The following SLC17A8 variants were observed in gnomAD, a reference collection of about 807,000 sequenced individuals.
The protein encoded by SLC17A8 is vesicular glutamate transporter 3.
SLC17A8 carries 31 observed loss-of-function variants against 58.0 expected under a neutral mutation model. That is an observed-to-expected ratio of 0.53 (90% CI 0.40 to 0.72). The LOEUF is 0.72. Ranked by LOEUF, SLC17A8 falls within the 30% of genes least tolerant of loss-of-function variation. The pLI is 0.00. For synonymous variants in SLC17A8, 228 were observed against 249.0 expected, an observed-to-expected ratio of 0.92 and a Z score of 0.79; for missense variants, 655 against 727.8, an observed-to-expected ratio of 0.90 and a Z score of 1.15.
intron 2 of SLC17A8, among the ~76,000 whole-genome samples, chr12:100,388,167 G>C (rs1341300319): frequency 1.3e-5 from 2 of 152,048 alleles, no homozygotes; most frequent in African/African-American, 4.8e-5. Context: ...CATATGACTT[G>C]CTCCCTTCCT....
chr12:100,399,747 T>A (rs1383888078), intron 5 of SLC17A8, among the ~76,000 whole-genome samples: 1 of 152,130 alleles, frequency 6.6e-6, no homozygotes, highest in East Asian at 1.9e-4. Context: ...GATTACAATT[T>A]GAGATGCAAT....
chr12:100,391,547 C>T (rs1342545002), intron 3 of SLC17A8, among the ~76,000 whole-genome samples: 1 of 152,190 alleles, frequency 6.6e-6, no homozygotes, highest in Admixed American at 6.5e-5. Flanking sequence ...TCAAGTGATC[C>T]ACCCGCCTTA....
At chr12:100,358,616 G>A (rs1039735134) in intron 1 of SLC17A8, among the ~76,000 whole-genome samples, 2 of 152,178 alleles carry the variant, frequency 1.3e-5, no homozygotes, top group African/African-American at 2.4e-5. Flanking sequence ...GAATTAGCAT[G>A]TCTAGATGAA....
intron 1 of SLC17A8, among the ~76,000 whole-genome samples, chr12:100,369,659 G>A (rs1952545639): frequency 6.6e-6 from 1 of 152,050 alleles, no homozygotes. Flanking sequence ...AGGAAAAGTA[G>A]GTGTTTTTTT....
intron 1 of SLC17A8, among the ~76,000 whole-genome samples, chr12:100,362,310 G>A (rs577897095): frequency 6.6e-6 from 1 of 152,328 alleles, no homozygotes; most frequent in South Asian, 2.1e-4. Context: ...CATCACGGGA[G>A]CAGGAAGAGA....
chr12:100,411,846 G>GTT (rs3057179), intron 9 of SLC17A8, among the ~76,000 whole-genome samples: 1 of 142,748 alleles, frequency 7.0e-6, no homozygotes, highest in Non-Finnish European at 1.5e-5. Flanking sequence ...TGTATTGTTT[G>GTT]TTTTTTTTTT....
chr12:100,418,909 G>A (rs1952927034), intron 11 of SLC17A8, among the ~76,000 whole-genome samples: 1 of 152,210 alleles, frequency 6.6e-6, no homozygotes, highest in African/African-American at 2.4e-5. Context: ...TTTATAGGCA[G>A]AGAATTCATG....
intron 10 of SLC17A8, among the ~76,000 whole-genome samples, chr12:100,413,742 G>T (rs537913176): frequency 6.6e-6 from 1 of 152,286 alleles, no homozygotes; most frequent in East Asian, 1.9e-4. Flanking sequence ...TTGGGAGACC[G>T]AGACGAATGG....
intron 2 of SLC17A8, among the ~76,000 whole-genome samples, chr12:100,389,784 C>A (rs926456900): frequency 6.7e-6 from 1 of 148,656 alleles, no homozygotes; most frequent in Non-Finnish European, 1.5e-5. Flanking sequence ...AGGCACACAC[C>A]ACCACACCTG....
chr12:100,381,688 G>C (rs1434043561), intron 2 of SLC17A8, among the ~76,000 whole-genome samples: 1 of 152,106 alleles, frequency 6.6e-6, no homozygotes, highest in East Asian at 1.9e-4. Context: ...ATGAACCTTT[G>C]CCAAAGTAAT....
At position 100,396,327 on chromosome 12, in the gene SLC17A8, C is replaced by T; in HGVS notation, c.589-3C>T. ...ACTAATCTATTTTCAACTCTTCTGC[C>T]AGGGTGTGACCTACCCAGCCTGCCA... On this transcript the variant is annotated splice_region_variant and splice_polypyrimidine_tract_variant and intron_variant, in intron 4 of 11. Coordinates refer to ENST00000323346, the MANE Select transcript of SLC17A8 (RefSeq NM_139319.3). 3 of 1,613,214 alleles carry T rather than the reference C, an allele frequency of 1.9e-6. No individual in the cohort carries two copies. Among genetic ancestry groups the T allele is most frequent in the Non-Finnish European group, 2.5e-6 (3 of 1,179,202 alleles).
In SLC17A8 at chr12:100,377,488, G is replaced by A. The variant is rs143313886; in HGVS notation, c.102-3213G>A. On this transcript the variant is annotated intron_variant, in intron 1 of 11. Transcript: ENST00000323346. ...AAGTCACACAGCTGAGTAAGTGGGCGACTCAACATTCAAAGTAAGGTACAT... is the reference window on the plus strand; with the variant it reads ...AAGTCACACAGCTGAGTAAGTGGGCAACTCAACATTCAAAGTAAGGTACAT... Among the ~76,000 whole-genome samples, 1,181 of 150,770 alleles carry A rather than the reference G, an allele frequency of 7.8e-3. 6 individuals are homozygous for A. The highest frequency in any genetic ancestry group is 0.011 in the Non-Finnish European group (762 of 67,872).
At chr12:100,391,272 C>T (rs1952714225) in intron 3 of SLC17A8, among the ~76,000 whole-genome samples, 153 bp downstream of exon 3, 1 of 152,130 alleles carries the variant, frequency 6.6e-6, no homozygotes, top group African/African-American at 2.4e-5. Flanking sequence ...CCAAATGACC[C>T]TGATCTTAAT....
intron 9 of SLC17A8, among the ~76,000 whole-genome samples, chr12:100,411,584 G>C (rs1952867875): frequency 6.7e-6 from 1 of 150,072 alleles, no homozygotes; most frequent in Middle Eastern, 3.2e-3. Flanking sequence ...GAGATGTCTG[G>C]AATCAGCAGA....
chr12:100,367,646 G>A (rs1301272802), intron 1 of SLC17A8, among the ~76,000 whole-genome samples: 1 of 152,128 alleles, frequency 6.6e-6, no homozygotes, highest in African/African-American at 2.4e-5. Flanking sequence ...AACCTCCCAG[G>A]CTCAAGTGAT....
chr12:100,371,424 C>G (rs1407073798), intron 1 of SLC17A8, among the ~76,000 whole-genome samples: 1 of 152,200 alleles, frequency 6.6e-6, no homozygotes, highest in African/African-American at 2.4e-5. Flanking sequence ...ACTCGCCATT[C>G]GTCAGGCGCT....
chr12:100,379,327 C>T (rs1952616400), intron 1 of SLC17A8, among the ~76,000 whole-genome samples: 1 of 150,352 alleles, frequency 6.7e-6, no homozygotes, highest in Admixed American at 6.7e-5. Flanking sequence ...CCCAGCTACT[C>T]AGGAAGTTGA....
chr12:100,375,468 G>C (rs1952588555), intron 1 of SLC17A8, among the ~76,000 whole-genome samples: 1 of 152,288 alleles, frequency 6.6e-6, no homozygotes, highest in South Asian at 2.1e-4. Context: ...GTCGCTGTCA[G>C]AGGAGTCCTG....
intron 1 of SLC17A8, among the ~76,000 whole-genome samples, chr12:100,375,790 A>T (rs73374485): frequency 0.044 from 6,701 of 152,278 alleles, 430 homozygotes; most frequent in African/African-American, 0.14. Flanking sequence ...CACTGCCGTG[A>T]ATCATTTACA....
Sources: gnomAD v4.1 joint callset for allele counts (sites outside exome capture counted in the v4.1 genomes callset) on GRCh38, gnomAD v4.1.1 for gene constraint, MANE v1.5 for transcripts, NCBI Gene and HGNC (gene_info 2026-07-23, HGNC 2026-07-21) for gene names.